Variants in DLGAP1 observed in about 807,000 individuals in gnomAD.
DLGAP1 encodes the protein DLG associated protein 1.
In DLGAP1, 11 loss-of-function variants were observed where a neutral mutation model predicts 90.8. The ratio of observed to expected loss-of-function variants is 0.12; its 90% CI spans 0.08 to 0.20. The LOEUF (loss-of-function observed/expected upper bound fraction) is 0.20, where lower values mean the gene tolerates loss of function less well. Among genes scored for constraint, DLGAP1 ranks in the 10% least tolerant of loss-of-function variants. The probability of loss-of-function intolerance (pLI) is 1.00; values close to 1 mark genes in which losing one functional copy is unlikely to be tolerated. For missense variants in DLGAP1, 1,050 were observed against 1,333.8 expected (o/e 0.79, Z 3.31); for synonymous variants, 558 against 540.7 (o/e 1.03, Z -0.44).
intron 10 of DLGAP1, among the ~76,000 whole-genome samples, chr18:3,523,773 A>G (rs1378092443): frequency 7.9e-5 from 12 of 151,748 alleles, no homozygotes; most frequent in East Asian, 3.9e-4. Context: ...GTGTGAACTC[A>G]GAAGGCGGAG....
chr18:4,116,632 G>C (rs1261692635), intron 2 of DLGAP1, among the ~76,000 whole-genome samples: 2 of 151,900 alleles, frequency 1.3e-5, no homozygotes. Context: ...TGTCTCTCGA[G>C]ACCCTTTAGT....
At chr18:4,338,090 C>T (rs1267770728) in intron 1 of DLGAP1, among the ~76,000 whole-genome samples, 1 of 152,106 alleles carries the variant, frequency 6.6e-6, no homozygotes, top group Admixed American at 6.5e-5. Flanking sequence ...TTTTAGCATC[C>T]ATTAAAAAAT....
At position 3,729,051 on chromosome 18, in the gene DLGAP1, G is replaced by T; in HGVS notation, c.1591+84C>A. 1 of 1,509,010 alleles carries T rather than the reference G, an allele frequency of 6.6e-7. No homozygotes were observed. The allele number at this position is 1,509,010 out of a possible 1,614,324, so 93.5% of individuals were successfully genotyped here. A position where few individuals can be genotyped will look rare whatever the true frequency, so the allele number is the denominator to read the frequency against. On this transcript the variant is annotated intron_variant, in intron 7 of 12. Coordinates refer to ENST00000315677, the MANE Select transcript of DLGAP1 (RefSeq NM_004746.4). This position sits in a 1 kb window ranked among gnomAD's most constrained non-coding sequence, Gnocchi z 6.2. ...TATCTTGTTCCTGGCAACTATGTGT[G>T]TTGACAGCAAGGGCACAGTCTTTGG...
chr18:3,959,167 C>T (rs957191368), intron 3 of DLGAP1, among the ~76,000 whole-genome samples: 4 of 152,148 alleles, frequency 2.6e-5, no homozygotes, highest in Middle Eastern at 6.8e-3. Context: ...TCCTTATAAT[C>T]GCCTCAGTTT....
intron 3 of DLGAP1, chr18:3,995,125 G>T (rs891147117): frequency 7.5e-5 from 6 of 80,218 alleles, no homozygotes; most frequent in Admixed American, 2.8e-4. Context: ...CCTAGCTTTT[G>T]ATTTTTTTTT....
intron 10 of DLGAP1, among the ~76,000 whole-genome samples, chr18:3,516,886 G>C (rs982719266): frequency 6.6e-6 from 1 of 152,174 alleles, no homozygotes; most frequent in Non-Finnish European, 1.5e-5. Flanking sequence ...GATTTGGATG[G>C]GGACACAGCC....
intron 1 of DLGAP1, among the ~76,000 whole-genome samples, chr18:4,213,553 A>T (rs2144907048): frequency 6.6e-6 from 1 of 152,294 alleles, no homozygotes; most frequent in East Asian, 1.9e-4. Flanking sequence ...AGCAGGTTTA[A>T]CCTTGGGACA....
At chr18:3,794,123 C>G (rs997712956) in intron 5 of DLGAP1, among the ~76,000 whole-genome samples, 3 of 152,166 alleles carry the variant, frequency 2.0e-5, no homozygotes, top group African/African-American at 7.2e-5. Flanking sequence ...TAACTCTGCA[C>G]GTCTCCTCCC....
chr18:3,614,023 G>C (rs2057746295), intron 7 of DLGAP1, among the ~76,000 whole-genome samples: 1 of 152,066 alleles, frequency 6.6e-6, no homozygotes, highest in South Asian at 2.1e-4. Flanking sequence ...CCAGGTTCAA[G>C]CGATTCCCCT....
chr18:3,551,977 T>G (rs2053504721), intron 9 of DLGAP1, among the ~76,000 whole-genome samples: 2 of 151,186 alleles, frequency 1.3e-5, no homozygotes, highest in South Asian at 4.2e-4. Context: ...TTTTTCTTTC[T>G]TTTTATTTTT....
intron 7 of DLGAP1, among the ~76,000 whole-genome samples, chr18:3,610,844 AAT>A (rs1258860564): frequency 6.6e-6 from 1 of 151,916 alleles, no homozygotes; most frequent in Non-Finnish European, 1.5e-5. Flanking sequence ...CCCTCAAAAA[AAT>A]AAAAAAAGAT....
rs540239476 is a variant in DLGAP1 at position 4,398,021 on chromosome 18, T to C, written c.-267+56985A>G. 1.7e-4 allele frequency among the ~76,000 whole-genome samples: 26 copies of C among 152,340 alleles called. No individual in the cohort carries two copies. The South Asian group carries it at 5.2e-3, about 30-fold the overall frequency. On this transcript the variant is annotated intron_variant, in intron 1 of 12. Coordinates refer to ENST00000315677, the MANE Select transcript of DLGAP1 (RefSeq NM_004746.4). ...ATAGAGAATGGAGGATACAATATGA[T>C]CTATTAGTTAAGGGGTATGTACTCA...
chr18:3,571,467 G>GC (rs1357733623), intron 8 of DLGAP1: 1 of 152,086 alleles, frequency 6.6e-6, no homozygotes, highest in Non-Finnish European at 1.5e-5. Context: ...TCCTGCCTAA[G>GC]CCCCCTGAGT....
chr18:3,597,635 C>T, intron 7 of DLGAP1: 1 of 222,842 alleles, frequency 4.5e-6, no homozygotes, highest in Non-Finnish European at 8.9e-6. Context: ...CCCAAAGCAG[C>T]CCATTGCTGC....
intron 2 of DLGAP1, among the ~76,000 whole-genome samples, chr18:4,077,580 T>C (rs1302756302): frequency 1.3e-5 from 2 of 152,110 alleles, no homozygotes; most frequent in East Asian, 1.9e-4. Flanking sequence ...CCTGCCCGCC[T>C]GACCCACCCT....
At chr18:4,207,655 C>A (rs991811529) in intron 1 of DLGAP1, among the ~76,000 whole-genome samples, 1 of 152,148 alleles carries the variant, frequency 6.6e-6, no homozygotes, top group African/African-American at 2.4e-5. Context: ...GCTTCTGCAG[C>A]CTTGGGAGAG....
intron 4 of DLGAP1, among the ~76,000 whole-genome samples, chr18:3,850,539 T>G (rs1388559777): frequency 2.0e-5 from 3 of 152,192 alleles, no homozygotes; most frequent in Admixed American, 1.3e-4. Flanking sequence ...GCTTGACAAA[T>G]TATAACACAA....
chr18:3,531,490 T>C (rs1295222287), intron 10 of DLGAP1, among the ~76,000 whole-genome samples: 2 of 151,424 alleles, frequency 1.3e-5, no homozygotes, highest in Admixed American at 6.6e-5. Context: ...GATAATATTT[T>C]ACCTTTTTTT....
At chr18:3,893,456 G>A (rs913530284) in intron 3 of DLGAP1, among the ~76,000 whole-genome samples, 1 of 151,912 alleles carries the variant, frequency 6.6e-6, no homozygotes, top group Admixed American at 6.6e-5. Flanking sequence ...ATGGGTGCTT[G>A]TAATTCCAGC....
Sources: gnomAD v4.1 joint callset for allele counts (sites outside exome capture counted in the v4.1 genomes callset) on GRCh38, gnomAD v4.1.1 for gene constraint, Gnocchi (gnomAD v3.1) non-coding constraint, MANE v1.5 for transcripts, NCBI Gene and HGNC (gene_info 2026-07-23, HGNC 2026-07-21) for gene names.